Variants in COMMD10 observed in about 807,000 individuals in gnomAD.
The protein encoded by COMMD10 is COMM domain containing 10.
Under a neutral mutation model 28.9 loss-of-function variants are expected in COMMD10, and 33 were observed. The observed-to-expected ratio is 1.14, with a 90% CI of 0.87 to 1.53. The LOEUF is 1.53. COMMD10 is among the 40% of genes most tolerant of loss of function. The pLI, the probability that COMMD10 is intolerant of heterozygous loss-of-function variation, is 0.00. For synonymous variants in COMMD10, 110 were observed against 81.7 expected (o/e 1.35, Z -1.87); for missense variants, 310 against 233.4 (o/e 1.33, Z -2.14).
chr5:116,131,106 A>G lies in COMMD10; in HGVS notation c.400-2962A>G, dbSNP rs558195030. Among the ~76,000 whole-genome samples, 8 of 152,076 alleles carry G rather than the reference A, an allele frequency of 5.3e-5. No homozygotes were observed. The South Asian group carries it at 1.7e-3, about 32-fold the overall frequency. On this transcript the variant is annotated intron_variant, in intron 4 of 6. Transcript: ENST00000274458. The stretch of plus-strand genomic sequence containing the variant: ...TGGAGAAATTGGGAAAGGAGGTGCC[A>G]CTAACTCAATATTTGACAATGTATC...
chr5:116,288,008 G>A (rs1179683878), intron 5 of COMMD10, among the ~76,000 whole-genome samples: 3 of 151,478 alleles, frequency 2.0e-5, no homozygotes, highest in African/African-American at 7.3e-5. Flanking sequence ...ATTTTTCCAT[G>A]TATTTACCTT....
intron 5 of COMMD10, among the ~76,000 whole-genome samples, chr5:116,189,851 A>G (rs1392682303): frequency 6.6e-6 from 1 of 152,174 alleles, no homozygotes; most frequent in East Asian, 1.9e-4. Flanking sequence ...GCATATTTTC[A>G]GTTGTTGCTG....
At chr5:116,152,529 T>C (rs1752564740) in intron 5 of COMMD10, among the ~76,000 whole-genome samples, 1 of 152,088 alleles carries the variant, frequency 6.6e-6, no homozygotes, top group Non-Finnish European at 1.5e-5. Context: ...CTCAAAAGTC[T>C]ACAAATAGCC....
chr5:116,147,106 A>G (rs1044486406), intron 5 of COMMD10, among the ~76,000 whole-genome samples: 1 of 151,826 alleles, frequency 6.6e-6, no homozygotes, highest in African/African-American at 2.4e-5. Flanking sequence ...CATATTTAGC[A>G]TCAACCCAGC....
At chr5:116,280,918 C>T (rs1285295639) in intron 5 of COMMD10, among the ~76,000 whole-genome samples, 3 of 151,800 alleles carry the variant, frequency 2.0e-5, no homozygotes, top group African/African-American at 7.3e-5. Context: ...CATTTTATCT[C>T]TGCCTTTTAT....
At chr5:116,164,274 T>C (rs1753020333) in intron 5 of COMMD10, among the ~76,000 whole-genome samples, 2 of 152,036 alleles carry the variant, frequency 1.3e-5, no homozygotes, top group African/African-American at 2.4e-5. Flanking sequence ...TGAGCCGAGA[T>C]TGGGCCACTG....
At chr5:116,259,874 T>A (rs970800918) in intron 5 of COMMD10, among the ~76,000 whole-genome samples, 1 of 151,712 alleles carries the variant, frequency 6.6e-6, no homozygotes, top group African/African-American at 2.4e-5. Context: ...TTATTGACCA[T>A]GAGCTTTGAG....
At position 116,092,570 on chromosome 5, in the gene COMMD10, C is replaced by A. The variant is rs550973441; in HGVS notation, c.269C>A (p.Ala90Glu). The A allele has an allele frequency of 1.9e-6, 3 of 1,605,314 alleles. No individual in the cohort carries two copies. The highest frequency in any genetic ancestry group is 2.7e-5 in the African/African-American group (2 of 74,674). The stretch of plus-strand genomic sequence containing the variant: ...GCAGTGTATCACAATGTGAAGCCAG[C>A]AGCTTTGCAGCAGCAATTAGAGAAC... ...EQAVYHNVKP[A>E]ALQQQLENIH... Residue 90 changes from alanine to glutamate, a missense_variant, in exon 4 of 7, where the codon GCA (alanine) becomes GAA (glutamate). Transcript: ENST00000274458.
At chr5:116,246,955 A>G (rs894975230) in intron 5 of COMMD10, among the ~76,000 whole-genome samples, 4 of 152,148 alleles carry the variant, frequency 2.6e-5, no homozygotes, top group East Asian at 3.8e-4. Context: ...AGCGATTGCA[A>G]CAAAAGCAAA....
intron 5 of COMMD10, among the ~76,000 whole-genome samples, chr5:116,275,293 A>T (rs533688822): frequency 1.6e-4 from 25 of 151,974 alleles, no homozygotes; most frequent in African/African-American, 5.8e-4. Context: ...AATTACTAGT[A>T]GACTGCTCTG....
chr5:116,158,250 G>C (rs867130966), intron 5 of COMMD10, among the ~76,000 whole-genome samples: 2 of 82,238 alleles, frequency 2.4e-5, no homozygotes, highest in East Asian at 4.5e-4. Flanking sequence ...CCCTCTCTCC[G>C]TCTCCCCTCT....
intron 2 of COMMD10, among the ~76,000 whole-genome samples, chr5:116,089,080 G>A (rs886790975): frequency 1.1e-4 from 16 of 152,210 alleles, no homozygotes; most frequent in African/African-American, 2.7e-4. Flanking sequence ...TGGATGGAGA[G>A]AAAGGAGAAA....
chr5:116,231,627 T>C (rs1189130147), intron 5 of COMMD10, among the ~76,000 whole-genome samples: 1 of 152,198 alleles, frequency 6.6e-6, no homozygotes, highest in Non-Finnish European at 1.5e-5. Context: ...GGCAAAATTT[T>C]CTTCTGACTT....
At chr5:116,237,072 G>C (rs7720475) in intron 5 of COMMD10, among the ~76,000 whole-genome samples, 91,802 of 151,964 alleles carry the variant, frequency 0.6, 31,263 homozygotes, top group South Asian at 0.77. Context: ...AGAAGCTGAC[G>C]TGAGCACTGA....
intron 4 of COMMD10, among the ~76,000 whole-genome samples, chr5:116,127,237 C>T (rs559080177): frequency 6.6e-6 from 1 of 152,114 alleles, no homozygotes; most frequent in Admixed American, 6.6e-5. Context: ...TACCACCTCA[C>T]ACCAGTTAGA....
chr5:116,172,841 T>G (rs1030872381), intron 5 of COMMD10, among the ~76,000 whole-genome samples: 22 of 152,138 alleles, frequency 1.4e-4, no homozygotes, highest in Non-Finnish European at 2.6e-4. Flanking sequence ...GCTTTTTAAT[T>G]ACAAAAAATA....
At chr5:116,088,361 C>G (rs1750179826) in intron 2 of COMMD10, among the ~76,000 whole-genome samples, 1 of 152,160 alleles carries the variant, frequency 6.6e-6, no homozygotes, top group Admixed American at 6.5e-5. Context: ...TTTTAGATGA[C>G]AATAGTTACC....
At chr5:116,182,839 G>T (rs1482925918) in intron 5 of COMMD10, among the ~76,000 whole-genome samples, 1 of 152,088 alleles carries the variant, frequency 6.6e-6, no homozygotes, top group Non-Finnish European at 1.5e-5. Flanking sequence ...GGACCAAGTA[G>T]ATGTAATTGG....
At chr5:116,168,048 A>G (rs1248544069) in intron 5 of COMMD10, among the ~76,000 whole-genome samples, 1 of 151,698 alleles carries the variant, frequency 6.6e-6, no homozygotes, top group Non-Finnish European at 1.5e-5. Context: ...TAAATTGGAT[A>G]GAGTCAAGAC....
Sources: gnomAD v4.1 joint callset for allele counts (sites outside exome capture counted in the v4.1 genomes callset) on GRCh38, gnomAD v4.1.1 for gene constraint, MANE v1.5 for transcripts, NCBI Gene and HGNC (gene_info 2026-07-23, HGNC 2026-07-21) for gene names.